Variants in IGF2BP1 observed in about 807,000 individuals in gnomAD.
IGF2BP1 encodes the protein insulin-like growth factor 2 mRNA-binding protein 1.
Under a neutral mutation model 74.9 loss-of-function variants are expected in IGF2BP1, and 11 were observed. That is an observed-to-expected ratio of 0.15 (90% confidence interval 0.09 to 0.24). IGF2BP1 has a LOEUF of 0.24. Among genes scored for constraint, IGF2BP1 ranks in the 10% least tolerant of loss-of-function variants. IGF2BP1 has a pLI of 1.00. For missense variants in IGF2BP1, 440 were observed against 757.4 expected, an observed-to-expected ratio of 0.58 and a Z score of 4.92; for synonymous variants, 287 against 281.8, an observed-to-expected ratio of 1.02 and a Z score of -0.18.
intron 2 of IGF2BP1, among the ~76,000 whole-genome samples, chr17:49,000,467 G>C (rs879444065): frequency 6.6e-6 from 1 of 152,152 alleles, no homozygotes; most frequent in Non-Finnish European, 1.5e-5. Context: ...TTGAAATACC[G>C]TGTTATTGGA....
At position 48,997,823 on chromosome 17, in the gene IGF2BP1, G is replaced by A. The variant is rs1030005825; in HGVS notation, c.78G>A (p.Lys26=). The A allele has an allele frequency of 3.1e-6, 5 of 1,614,056 alleles. No homozygotes were observed. The African/African-American group carries it at 6.7e-5, about 22-fold the overall frequency. ...TGGAGAAAGTGTTTGCGGAGCACAA[G>A]ATCTCCTACAGCGGCCAGTTCTTGG... ...ADLEKVFAEH[K]ISYSGQFLVK... Residue 26 remains lysine (K), a synonymous_variant, in exon 1 of 15, where the codon AAG becomes AAA. Transcript: ENST00000290341. This position sits in a 1 kb window ranked among gnomAD's most constrained non-coding sequence, Gnocchi z 4.8.
chr17:49,034,746 AC>A (rs11290440), intron 5 of IGF2BP1, among the ~76,000 whole-genome samples: 44,213 of 129,090 alleles, frequency 0.34, 7,322 homozygotes, highest in African/African-American at 0.45. Context: ...CAAAAAAAAC[AC>A]AAAAAAAACA....
Position 49,055,972 on chromosome 17 carries a change from AATC to A in IGF2BP1, c.*6529_*6531del, listed in dbSNP as rs2042226097. On this transcript the variant is annotated 3_prime_UTR_variant, in exon 15 of 15. Transcript: ENST00000290341. Reference sequence around the variant, plus strand: ...GATTGTATCCTTCCTCCCATCCTTTAATCTGTTCATTGCTTTGGGGGAGGTGGG... The same window carrying A: ...GATTGTATCCTTCCTCCCATCCTTTATGTTCATTGCTTTGGGGGAGGTGGG... 2.0e-5 allele frequency among the ~76,000 whole-genome samples: 3 copies of A among 150,504 alleles called. No homozygotes were observed.
rs1339368120 is a variant in IGF2BP1 at position 49,040,100 on chromosome 17, C to G, written c.818+9C>G. 1.9e-6 allele frequency: 3 copies of G among 1,613,666 alleles called. No individual in the cohort carries two copies. In the Admixed American group the frequency reaches 5.0e-5, roughly 27 times the overall value. Reference sequence around the variant, plus strand: ...GCTAAGGACACCAAAACGTAAGTCTCCAGCTTTTCTTGGATCTTCAGGGTC... The same window carrying G: ...GCTAAGGACACCAAAACGTAAGTCTGCAGCTTTTCTTGGATCTTCAGGGTC... On this transcript the variant is annotated intron_variant, in intron 7 of 14. Transcript: ENST00000290341.
chr17:49,031,150 A>G (rs2041916780), intron 4 of IGF2BP1, among the ~76,000 whole-genome samples: 1 of 151,892 alleles, frequency 6.6e-6, no homozygotes, highest in African/African-American at 2.4e-5. Flanking sequence ...ACTGGCTCTC[A>G]CTCTATCACC....
At chr17:49,014,721 T>G in intron 2 of IGF2BP1, 1 of 970,858 alleles carries the variant, frequency 1.0e-6, no homozygotes, top group Non-Finnish European at 1.2e-6. Flanking sequence ...GGCCGCCACT[T>G]ATGGACACGC....
chr17:49,019,955 TACACACACACACACACACACA>T (rs2041767467), intron 2 of IGF2BP1, among the ~76,000 whole-genome samples: 2 of 78,450 alleles, frequency 2.5e-5, no homozygotes, highest in Non-Finnish European at 4.6e-5. Context: ...TATATTTATA[TACACACACACACACACACACA>T]TACACCCACA....
At chr17:49,032,439 G>A (rs2041934687) in intron 5 of IGF2BP1, among the ~76,000 whole-genome samples, 1 of 148,010 alleles carries the variant, frequency 6.8e-6, no homozygotes, top group Non-Finnish European at 1.5e-5. Context: ...AAACCTAGCT[G>A]GTGATAGTTG....
intron 2 of IGF2BP1, among the ~76,000 whole-genome samples, chr17:49,014,260 C>G: frequency 7.4e-6 from 1 of 135,386 alleles, no homozygotes; most frequent in African/African-American, 2.8e-5. Flanking sequence ...CCGTCCCCAT[C>G]TGTCTCCCCC....
chr17:49,004,092 A>ATCTCG (rs2041518433), intron 2 of IGF2BP1, among the ~76,000 whole-genome samples: 3 of 152,060 alleles, frequency 2.0e-5, no homozygotes, highest in Non-Finnish European at 4.4e-5. Context: ...CAGCCCGGCA[A>ATCTCG]TCTCGTCTCG....
At position 49,052,264 on chromosome 17, in the gene IGF2BP1, A is replaced by G. The variant is rs1472665851; in HGVS notation, c.*2820A>G. 3 of 152,200 alleles carry G rather than the reference A, an allele frequency of 2.0e-5. No homozygotes were observed. Among genetic ancestry groups the G allele is most frequent in the Non-Finnish European group, 1.5e-5 (1 of 68,038 alleles). The allele number at this position is 152,200 out of a possible 1,614,324, so 9.4% of individuals were successfully genotyped here. On this transcript the variant is annotated 3_prime_UTR_variant, in exon 15 of 15. Coordinates refer to ENST00000290341, the MANE Select transcript of IGF2BP1 (RefSeq NM_006546.4). The stretch of plus-strand genomic sequence containing the variant: ...TATATGCTTTATCCCAAAACAAAGC[A>G]GATAACGTTCAGACGTCGGCCATTT...
chr17:49,019,976 A>C (rs1167946280), intron 2 of IGF2BP1, among the ~76,000 whole-genome samples: 1 of 73,148 alleles, frequency 1.4e-5, no homozygotes, highest in African/African-American at 8.4e-5. Context: ...ACACACACAC[A>C]TACACCCACA....
chr17:49,008,846 T>G (rs1296362853), intron 2 of IGF2BP1, among the ~76,000 whole-genome samples: 1 of 152,040 alleles, frequency 6.6e-6, no homozygotes, highest in Non-Finnish European at 1.5e-5. Flanking sequence ...TGCATATTGC[T>G]GCAAAGATTG....
chr17:49,041,294 C>G lies in IGF2BP1; in HGVS notation c.819-84C>G, dbSNP rs1214023141. On this transcript the variant is annotated intron_variant, in intron 7 of 14. Coordinates refer to ENST00000290341, the MANE Select transcript of IGF2BP1 (RefSeq NM_006546.4). ...GATGTTTTACTTGGAAATGCCAAGT[C>G]TGGGGTGGCATGGTGATTGAGTCTT... is the stretch of plus-strand genomic sequence containing the variant. 6.0e-6 allele frequency: 9 copies of G among 1,495,178 alleles called. No individual in the cohort carries two copies. In the African/African-American group the frequency reaches 7.0e-5, roughly 12 times the overall value. The allele number at this position is 1,495,178 out of a possible 1,614,324, so 92.6% of individuals were successfully genotyped here.
At chr17:48,999,841 C>T (rs2041463501) in intron 2 of IGF2BP1, among the ~76,000 whole-genome samples, 1 of 151,402 alleles carries the variant, frequency 6.6e-6, no homozygotes, top group Non-Finnish European at 1.5e-5. Context: ...CCATTGTTAC[C>T]AGGGGACCAT....
At chr17:48,998,203 C>T (rs1412596775) in intron 1 of IGF2BP1, among the ~76,000 whole-genome samples, 3 of 152,174 alleles carry the variant, frequency 2.0e-5, no homozygotes, top group Non-Finnish European at 4.4e-5. Flanking sequence ...CGGGAGCCCC[C>T]ACTGGCAGTA....
At chr17:49,007,224 G>A (rs2041560831) in intron 2 of IGF2BP1, among the ~76,000 whole-genome samples, 1 of 152,092 alleles carries the variant, frequency 6.6e-6, no homozygotes. Flanking sequence ...TAACAAAGTA[G>A]GCATTCAGGA....
chr17:49,032,325 C>T (rs1290747487), intron 5 of IGF2BP1, among the ~76,000 whole-genome samples: 1 of 152,048 alleles, frequency 6.6e-6, no homozygotes, highest in Non-Finnish European at 1.5e-5. Context: ...GAGTCCTTTG[C>T]CGTGTTCATG....
rs1348992128 is a variant in IGF2BP1 at position 49,025,609 on chromosome 17, T to C, written c.237-9T>C. The stretch of plus-strand genomic sequence containing the variant: ...GCTTTCTTTAACTCTGCTCCCCCTT[T>C]ACTTTCAGGAGCCGGAAAATTCAAA... On this transcript the variant is annotated splice_polypyrimidine_tract_variant and intron_variant, in intron 2 of 14. Coordinates refer to ENST00000290341, the MANE Select transcript of IGF2BP1 (RefSeq NM_006546.4). 1 of 1,612,346 alleles carries C rather than the reference T, an allele frequency of 6.2e-7. No homozygotes were observed. The highest frequency in any genetic ancestry group is 1.3e-5 in the African/African-American group (1 of 74,978).
Sources: allele counts gnomAD v4.1 joint callset (sites outside exome capture counted in the v4.1 genomes callset), GRCh38; gene constraint gnomAD v4.1.1; non-coding constraint Gnocchi (gnomAD v3.1); transcripts MANE v1.5; gene names NCBI Gene and HGNC (gene_info 2026-07-23, HGNC 2026-07-21).